Variants in CNTNAP2 observed in about 807,000 individuals in gnomAD.
The protein encoded by CNTNAP2 is contactin associated protein 2, also known as contactin-associated protein-like 2.
A neutral mutation model predicts 155.2 loss-of-function variants in CNTNAP2; 98 were observed. The ratio of observed to expected loss-of-function variants is 0.63; its 90% CI spans 0.54 to 0.75. CNTNAP2 has a LOEUF of 0.75. Ranked by LOEUF, CNTNAP2 falls within the 30% of genes least tolerant of loss-of-function variation. CNTNAP2 has a pLI of 0.00. For missense variants in CNTNAP2, 1,727 were observed against 1,688.1 expected (o/e 1.02, Z -0.40); for synonymous variants, 651 against 631.2 (o/e 1.03, Z -0.47).
chr7:146,239,709 T>G (rs1478115085), intron 1 of CNTNAP2, among the ~76,000 whole-genome samples: 7 of 152,200 alleles, frequency 4.6e-5, no homozygotes, highest in Non-Finnish European at 1.0e-4. Flanking sequence ...TCAACCCTGG[T>G]AAATCTGATA....
intron 1 of CNTNAP2, among the ~76,000 whole-genome samples, chr7:146,656,427 C>T (rs762323000): frequency 1.2e-4 from 19 of 152,136 alleles, no homozygotes; most frequent in Non-Finnish European, 2.6e-4. Flanking sequence ...TCTGTGAAAC[C>T]GCTCAGTGTT....
intron 9 of CNTNAP2, among the ~76,000 whole-genome samples, chr7:147,336,900 C>A (rs1795673738): frequency 6.6e-6 from 1 of 151,976 alleles, no homozygotes; most frequent in Non-Finnish European, 1.5e-5. Flanking sequence ...CCTCTCAATT[C>A]CAAAGGGACA....
intron 17 of CNTNAP2, among the ~76,000 whole-genome samples, chr7:148,164,268 T>C (rs1805607235): frequency 6.6e-6 from 1 of 152,148 alleles, no homozygotes; most frequent in Admixed American, 6.5e-5. Context: ...CGGGTTCAAG[T>C]TGATGCTTCA....
intron 1 of CNTNAP2, among the ~76,000 whole-genome samples, chr7:146,201,618 CT>C (rs912478449): frequency 1.8e-4 from 26 of 148,172 alleles, no homozygotes; most frequent in South Asian, 1.3e-3. Context: ...TGAAACAGAA[CT>C]TTTTTTTAAA....
At chr7:146,163,635 C>T (rs1798267191) in intron 1 of CNTNAP2, among the ~76,000 whole-genome samples, 1 of 147,602 alleles carries the variant, frequency 6.8e-6, no homozygotes, top group Non-Finnish European at 1.5e-5. Flanking sequence ...GTAATCCTGG[C>T]TACTCGGGAA....
intron 14 of CNTNAP2, among the ~76,000 whole-genome samples, chr7:147,918,813 G>A (rs1171183635): frequency 6.6e-6 from 1 of 152,182 alleles, no homozygotes; most frequent in African/African-American, 2.4e-5. Context: ...TGGGAATGGT[G>A]TGTCTTTACC....
chr7:146,893,958 C>A (rs1795827390), intron 3 of CNTNAP2, among the ~76,000 whole-genome samples: 1 of 152,146 alleles, frequency 6.6e-6, no homozygotes, highest in Non-Finnish European at 1.5e-5. Context: ...AATATTCTGG[C>A]TATCCTTTAA....
intron 14 of CNTNAP2, among the ~76,000 whole-genome samples, chr7:147,917,720 A>G (rs1007101703): frequency 6.6e-6 from 1 of 152,164 alleles, no homozygotes; most frequent in African/African-American, 2.4e-5. Context: ...AATGAGCATT[A>G]AGGGGCAACT....
chr7:148,106,493 GATATAT>G (rs10532740), intron 15 of CNTNAP2, among the ~76,000 whole-genome samples: 6,821 of 124,848 alleles, frequency 0.055, 252 homozygotes, highest in African/African-American at 0.075. Flanking sequence ...CACACTTTGA[GATATAT>G]ATATATATAT....
At chr7:147,983,698 G>A (rs1380292324) in intron 15 of CNTNAP2, among the ~76,000 whole-genome samples, 1 of 152,224 alleles carries the variant, frequency 6.6e-6, no homozygotes, top group Non-Finnish European at 1.5e-5. Context: ...ATTTAAAAAT[G>A]TTCTGGTTGG....
intron 13 of CNTNAP2, among the ~76,000 whole-genome samples, chr7:147,785,961 C>T (rs1445575121): frequency 6.6e-6 from 1 of 151,604 alleles, no homozygotes; most frequent in African/African-American, 2.4e-5. Flanking sequence ...CACCGCACTC[C>T]ACCCTTGGTG....
chr7:147,720,926 G>A (rs1245837000), intron 13 of CNTNAP2, among the ~76,000 whole-genome samples: 1 of 152,098 alleles, frequency 6.6e-6, no homozygotes, highest in African/African-American at 2.4e-5. Flanking sequence ...CCCACAGCCT[G>A]TGAGTTATAG....
intron 21 of CNTNAP2, among the ~76,000 whole-genome samples, chr7:148,324,318 T>C (rs1042718144): frequency 6.6e-5 from 10 of 152,190 alleles, no homozygotes; most frequent in Non-Finnish European, 1.3e-4. Context: ...CATACAGCTT[T>C]ACTCAACTGT....
At chr7:147,370,455 T>A (rs1213594595) in intron 9 of CNTNAP2, among the ~76,000 whole-genome samples, 2 of 152,180 alleles carry the variant, frequency 1.3e-5, no homozygotes, top group East Asian at 3.9e-4. Flanking sequence ...AGAAAACTGA[T>A]GGTTAAATTT....
chr7:147,836,547 A>C (rs1446934760), intron 13 of CNTNAP2, among the ~76,000 whole-genome samples: 4 of 152,094 alleles, frequency 2.6e-5, no homozygotes, highest in Admixed American at 1.3e-4. Context: ...TCAGCCCCAC[A>C]CATACACTCT....
At chr7:146,229,645 T>TA (rs1335240495) in intron 1 of CNTNAP2, among the ~76,000 whole-genome samples, 7 of 152,182 alleles carry the variant, frequency 4.6e-5, no homozygotes, top group African/African-American at 1.7e-4. Context: ...TGCCAAATGC[T>TA]ACTGCTACAT....
intron 8 of CNTNAP2, among the ~76,000 whole-genome samples, chr7:147,292,198 A>AT (rs1379504746): frequency 3.9e-5 from 6 of 152,026 alleles, no homozygotes; most frequent in Non-Finnish European, 8.8e-5. Context: ...TTTCAGAACT[A>AT]TTTTTTTGTT....
At chr7:147,338,013 A>G (rs1795693805) in intron 9 of CNTNAP2, among the ~76,000 whole-genome samples, 1 of 152,174 alleles carries the variant, frequency 6.6e-6, no homozygotes, top group Non-Finnish European at 1.5e-5. Flanking sequence ...TTAGTCTGGA[A>G]AAGATGAATA....
chr7:146,206,655 C>G (rs890452892), intron 1 of CNTNAP2, among the ~76,000 whole-genome samples: 9 of 151,918 alleles, frequency 5.9e-5, no homozygotes, highest in African/African-American at 2.2e-4. Context: ...TTCTGGTCAA[C>G]ATTATTTTGT....
Sources: allele counts gnomAD v4.1 joint callset (sites outside exome capture counted in the v4.1 genomes callset), GRCh38; gene constraint gnomAD v4.1.1; transcripts MANE v1.5; gene names NCBI Gene and HGNC (gene_info 2026-07-23, HGNC 2026-07-21).